Variants in CORO1C observed in about 807,000 individuals in gnomAD.
CORO1C encodes the protein coronin-1C.
Under a neutral mutation model 51.2 loss-of-function variants are expected in CORO1C, and 14 were observed. The ratio of observed to expected loss-of-function variants is 0.27; its 90% CI spans 0.18 to 0.43. CORO1C has a LOEUF of 0.43. CORO1C is among the 20% of genes least tolerant of loss of function. The pLI, the probability that CORO1C is intolerant of heterozygous loss-of-function variation, is 1.00. For synonymous variants in CORO1C, 181 were observed against 210.5 expected (o/e 0.86, Z 1.21); for missense variants, 417 against 607.8 (o/e 0.69, Z 3.30).
chr12:108,680,386 G>A (rs1302161545), intron 2 of CORO1C, among the ~76,000 whole-genome samples: 4 of 152,050 alleles, frequency 2.6e-5, no homozygotes, highest in African/African-American at 7.2e-5. Context: ...CTTCCAAAAC[G>A]CATCACCAAA....
At chr12:108,654,243 T>C (rs2032825580) in intron 7 of CORO1C, 63 bp downstream of exon 7, 2 of 1,068,878 alleles carry the variant, frequency 1.9e-6, no homozygotes, top group African/African-American at 1.6e-5. Flanking sequence ...GTCCTCTAAA[T>C]CTCTGAAGGA....
At chr12:108,659,006 C>T (rs879389167) in intron 4 of CORO1C, 87 bp from the exon 5 acceptor site, 29 of 1,353,110 alleles carry the variant, frequency 2.1e-5, no homozygotes, top group Non-Finnish European at 2.4e-5. Flanking sequence ...TGAGAATACA[C>T]ATATGTATAT....
At chr12:108,690,995 C>T (rs2034475655) in intron 2 of CORO1C, among the ~76,000 whole-genome samples, 3 of 152,094 alleles carry the variant, frequency 2.0e-5, no homozygotes, top group Admixed American at 1.3e-4. Context: ...TAACCCTTCC[C>T]ATTGCAGCTC....
At chr12:108,651,734 T>C (rs930427433) in intron 8 of CORO1C, among the ~76,000 whole-genome samples, 3 of 152,242 alleles carry the variant, frequency 2.0e-5, no homozygotes, top group Non-Finnish European at 2.9e-5. Flanking sequence ...TGCTTCATTG[T>C]TGCACTTCAG....
In CORO1C at chr12:108,690,945, T is replaced by C. The variant is rs539763747; in HGVS notation, c.195+10179A>G. Among the ~76,000 whole-genome samples the C allele has an allele frequency of 2.6e-5, 4 of 152,364 alleles. No homozygotes were observed. In the South Asian group the frequency reaches 8.3e-4, roughly 32 times the overall value. ...GTAAGCAAATGACATTGGAGATTGA[T>C]CTACTGAAACCCTCTGTGAACGCTG... On this transcript the variant is annotated intron_variant, in intron 2 of 10. Coordinates refer to ENST00000261401, the MANE Select transcript of CORO1C (RefSeq NM_014325.4).
intron 1 of CORO1C, among the ~76,000 whole-genome samples, chr12:108,715,104 C>G (rs1454451221): frequency 1.3e-5 from 2 of 151,896 alleles, no homozygotes; most frequent in Non-Finnish European, 2.9e-5. Flanking sequence ...TGTGGTGGTT[C>G]ATACCAGTAA....
At chr12:108,686,035 C>CTTA (rs1182750598) in intron 2 of CORO1C, among the ~76,000 whole-genome samples, 1 of 152,208 alleles carries the variant, frequency 6.6e-6, no homozygotes, top group East Asian at 1.9e-4. Flanking sequence ...AAGCTGGGCA[C>CTTA]TTACAAACTG....
intron 1 of CORO1C, among the ~76,000 whole-genome samples, chr12:108,722,619 G>A (rs1300066521): frequency 6.6e-6 from 1 of 152,186 alleles, no homozygotes; most frequent in East Asian, 1.9e-4. Flanking sequence ...TTACAATGCT[G>A]AATCAACACA....
In CORO1C at chr12:108,647,167, TC is replaced by T; in HGVS notation, c.*235del. The T allele has an allele frequency of 2.5e-6, 1 of 400,424 alleles. No homozygotes were observed. Among genetic ancestry groups the T allele is most frequent in the South Asian group, 6.8e-5 (1 of 14,808 alleles). The allele number at this position is 400,424 out of a possible 1,614,324, so 24.8% of individuals were successfully genotyped here. The stretch of plus-strand genomic sequence containing the variant: ...AACAAGTCACATAACACTTAAAACA[TC>T]AAAAAAGCTTTCTGATAAAAAGCTC... On this transcript the variant is annotated 3_prime_UTR_variant, in exon 11 of 11. Transcript: ENST00000261401.
intron 6 of CORO1C, among the ~76,000 whole-genome samples, chr12:108,655,040 AAT>A (rs1565901593): frequency 6.6e-6 from 1 of 152,080 alleles, no homozygotes; most frequent in Non-Finnish European, 1.5e-5. Flanking sequence ...TTAATTATAA[AAT>A]ATGTGTGCTT....
intron 1 of CORO1C, among the ~76,000 whole-genome samples, chr12:108,705,417 G>A (rs1156433484): frequency 1.6e-5 from 2 of 122,746 alleles, no homozygotes; most frequent in South Asian, 5.4e-4. Context: ...CCGAGATCAC[G>A]CCACTGCACT....
At chr12:108,715,345 A>C (rs543877569) in intron 1 of CORO1C, among the ~76,000 whole-genome samples, 2 of 152,354 alleles carry the variant, frequency 1.3e-5, no homozygotes, top group East Asian at 3.9e-4. Flanking sequence ...CTCACTTAAA[A>C]TATAATAGAA....
chr12:108,647,252 A>T lies in CORO1C; in HGVS notation c.*151T>A, dbSNP rs190312570. Reference sequence around the variant, plus strand: ...GGGAGACAAATTGAGTTCTTACTGGAATGTGGCCTATCGCTGGTTGACAAA... The same window carrying T: ...GGGAGACAAATTGAGTTCTTACTGGTATGTGGCCTATCGCTGGTTGACAAA... On this transcript the variant is annotated 3_prime_UTR_variant, in exon 11 of 11. Transcript: ENST00000261401. The T allele has an allele frequency of 1.8e-5, 11 of 608,590 alleles. No individual in the cohort carries two copies. The highest frequency in any genetic ancestry group is 1.5e-4 in the Admixed American group (5 of 32,872). The allele number at this position is 608,590 out of a possible 1,614,324, so 37.7% of individuals were successfully genotyped here.
At chr12:108,674,440 C>CA (rs368926684) in intron 3 of CORO1C, among the ~76,000 whole-genome samples, 8,646 of 150,826 alleles carry the variant, frequency 0.057, 507 homozygotes, top group East Asian at 0.32. Flanking sequence ...CCCAGCTACT[C>CA]GGAGGGCTGA....
intron 6 of CORO1C, among the ~76,000 whole-genome samples, chr12:108,656,114 G>A (rs11114020): frequency 0.084 from 5,212 of 62,260 alleles, 149 homozygotes; most frequent in East Asian, 0.46. Flanking sequence ...CAGCCGCCCC[G>A]TCTGAGAAGT....
rs1159473772 is a variant in CORO1C at position 108,645,897 on chromosome 12, C to T, written c.*1506G>A. The T allele has an allele frequency of 6.6e-6, 1 of 152,242 alleles. No homozygotes were observed. Among genetic ancestry groups the T allele is most frequent in the East Asian group, 1.9e-4 (1 of 5,194 alleles). The allele number at this position is 152,242 out of a possible 1,614,324, so 9.4% of individuals were successfully genotyped here. On this transcript the variant is annotated 3_prime_UTR_variant, in exon 11 of 11. Coordinates refer to ENST00000261401, the MANE Select transcript of CORO1C (RefSeq NM_014325.4). ...TTAAATCTTGTTTCCCAAGCATGCA[C>T]TATAAGAAACTGGAAACGGGGCAAA...
intron 1 of CORO1C, among the ~76,000 whole-genome samples, chr12:108,707,926 G>A (rs992350695): frequency 6.6e-6 from 1 of 152,168 alleles, no homozygotes; most frequent in Non-Finnish European, 1.5e-5. Flanking sequence ...AAACCACAAT[G>A]AGAGACTATT....
intron 2 of CORO1C, among the ~76,000 whole-genome samples, chr12:108,687,760 G>A (rs139582152): frequency 1.1e-3 from 169 of 151,930 alleles, no homozygotes; most frequent in African/African-American, 3.9e-3. Context: ...ACTCCAGCCT[G>A]GGTGACAGCG....
At chr12:108,673,330 C>T (rs779973832) in intron 3 of CORO1C, among the ~76,000 whole-genome samples, 4 of 152,208 alleles carry the variant, frequency 2.6e-5, no homozygotes, top group Admixed American at 1.3e-4. Context: ...AAAGTCCTAA[C>T]TCTCTTCAAT....
Sources: allele counts gnomAD v4.1 joint callset (sites outside exome capture counted in the v4.1 genomes callset), GRCh38; gene constraint gnomAD v4.1.1; transcripts MANE v1.5; gene names NCBI Gene and HGNC (gene_info 2026-07-23, HGNC 2026-07-21).